Variants in VIT observed in about 807,000 individuals in gnomAD.
VIT encodes vitrin.
A neutral mutation model predicts 78.0 loss-of-function variants in VIT; 99 were observed. The observed-to-expected ratio is 1.27, with a 90% CI of 1.08 to 1.50. VIT has a LOEUF of 1.50. VIT is among the 40% of genes most tolerant of loss of function. The pLI, the probability that VIT is intolerant of heterozygous loss-of-function variation, is 0.00. For synonymous variants in VIT, 374 were observed against 334.3 expected (o/e 1.12, Z -1.29); for missense variants, 1,126 against 875.3 (o/e 1.29, Z -3.61).
At chr2:36,778,819 G>A (rs1270255397) in intron 9 of VIT, among the ~76,000 whole-genome samples, 1 of 152,196 alleles carries the variant, frequency 6.6e-6, no homozygotes, top group Non-Finnish European at 1.5e-5. Context: ...TGAAGGGAAG[G>A]GAAGCCTAGA....
chr2:36,739,052 T>C (rs1422596401), intron 3 of VIT, among the ~76,000 whole-genome samples: 1 of 152,202 alleles, frequency 6.6e-6, no homozygotes, highest in Non-Finnish European at 1.5e-5. Flanking sequence ...CTGAGGACTT[T>C]TTGCATAATT....
In VIT at chr2:36,703,928, TTGTTTTTG is replaced by T. The variant is rs1558499612; in HGVS notation, c.-19+6957_-19+6964del. 3.2e-3 allele frequency among the ~76,000 whole-genome samples: 25 copies of T among 7,828 alleles called. 1 individual carries two copies. The highest frequency in any genetic ancestry group is 7.5e-3 in the Non-Finnish European group (15 of 2,002). 5.1% of individuals were successfully genotyped at this position (7,828 alleles called of 152,430 possible). Reference sequence around the variant, plus strand: ...TTTGGGGTTTTTTTTTGTTTGTTTTTTGTTTTTGTTTTTTTTTTTTGGAGACTCACTCT... The same window carrying T: ...TTTGGGGTTTTTTTTTGTTTGTTTTTTTTTTTTTTTTTGGAGACTCACTCT... On this transcript the variant is annotated intron_variant, in intron 1 of 15. Transcript: ENST00000379242.
intron 9 of VIT, among the ~76,000 whole-genome samples, chr2:36,776,073 T>C (rs770176295): frequency 6.6e-6 from 1 of 152,236 alleles, no homozygotes; most frequent in Non-Finnish European, 1.5e-5. Flanking sequence ...GAATCACTTA[T>C]GGTGTGCCAG....
Position 36,729,469 on chromosome 2 carries a change from G to T in VIT, c.96G>T (p.Lys32Asn), listed in dbSNP as rs1667061551. Reference sequence around the variant, plus strand: ...TACATTCAAACAAAGAAACGGCAAAGAAGATTAAAAGGCCCAAGTTCAGTA... The same window carrying T: ...TACATTCAAACAAAGAAACGGCAAATAAGATTAAAAGGCCCAAGTTCAGTA... ...TGVHSNKETAKKIKRPKFTVP... is the reference protein window; with the variant it reads ...TGVHSNKETANKIKRPKFTVP... Residue 32 changes from lysine to asparagine, a missense_variant, in exon 3 of 16, where the codon AAG becomes AAT. Coordinates refer to ENST00000379242, the MANE Select transcript of VIT (RefSeq NM_053276.4). 1 of 1,609,296 alleles carries T rather than the reference G, an allele frequency of 6.2e-7. No individual in the cohort carries two copies. The highest frequency in any genetic ancestry group is 8.5e-7 in the Non-Finnish European group (1 of 1,178,034).
chr2:36,700,397 G>A (rs142676660), intron 1 of VIT, among the ~76,000 whole-genome samples: 317 of 152,116 alleles, frequency 2.1e-3, no homozygotes, highest in Non-Finnish European at 3.6e-3. Flanking sequence ...GATGATGGTG[G>A]CGGTGGTGGT....
intron 1 of VIT, among the ~76,000 whole-genome samples, chr2:36,700,857 G>A (rs7558849): frequency 0.039 from 6,000 of 152,074 alleles, 167 homozygotes; most frequent in Middle Eastern, 0.14. Flanking sequence ...AAACATATGA[G>A]GTGGGCTTTT....
At chr2:36,715,123 C>T (rs4670165) in intron 1 of VIT, among the ~76,000 whole-genome samples, 1 of 151,936 alleles carries the variant, frequency 6.6e-6, no homozygotes, top group Non-Finnish European at 1.5e-5. Flanking sequence ...ATTCCCATGG[C>T]TGCCATAGTC....
At chr2:36,762,468 C>T (rs1481720174) in intron 6 of VIT, among the ~76,000 whole-genome samples, 1 of 152,132 alleles carries the variant, frequency 6.6e-6, no homozygotes, top group Non-Finnish European at 1.5e-5. Flanking sequence ...GCTAAACTAC[C>T]AGCATTCCAA....
chr2:36,745,521 C>T (rs1445102637), intron 4 of VIT, among the ~76,000 whole-genome samples: 2 of 152,148 alleles, frequency 1.3e-5, no homozygotes, highest in African/African-American at 4.8e-5. Context: ...TTGTGGAGAT[C>T]TTTCACCTCC....
chr2:36,749,655 A>G (rs1274810540), intron 4 of VIT, among the ~76,000 whole-genome samples: 1 of 152,218 alleles, frequency 6.6e-6, no homozygotes, highest in Non-Finnish European at 1.5e-5. Context: ...TGGGGACTCA[A>G]ACCCAAGTCC....
At chr2:36,790,657 G>A (rs559090169) in intron 12 of VIT, among the ~76,000 whole-genome samples, 2 of 152,268 alleles carry the variant, frequency 1.3e-5, no homozygotes, top group African/African-American at 2.4e-5. Context: ...TGGGGCAGAG[G>A]ACAAATATTA....
intron 2 of VIT, among the ~76,000 whole-genome samples, chr2:36,727,441 A>G (rs1466305964): frequency 6.6e-5 from 10 of 152,242 alleles, no homozygotes; most frequent in South Asian, 2.1e-4. Context: ...AGGAAGGGCC[A>G]GGGTGCTCAT....
chr2:36,797,651 C>G (rs1666003618), intron 12 of VIT, among the ~76,000 whole-genome samples: 1 of 152,056 alleles, frequency 6.6e-6, no homozygotes, highest in African/African-American at 2.4e-5. Flanking sequence ...ATGTGAGGTT[C>G]AAGAAAGGGG....
At chr2:36,719,732 A>T (rs1666376877) in intron 2 of VIT, among the ~76,000 whole-genome samples, 1 of 152,208 alleles carries the variant, frequency 6.6e-6, no homozygotes, top group Non-Finnish European at 1.5e-5. Context: ...TGAGCCCAGG[A>T]GTTTGAGACC....
At chr2:36,723,125 C>A (rs970542079) in intron 2 of VIT, among the ~76,000 whole-genome samples, 3 of 152,120 alleles carry the variant, frequency 2.0e-5, no homozygotes, top group Admixed American at 6.5e-5. Flanking sequence ...TTAACCTTGT[C>A]AGAGTCATTC....
intron 12 of VIT, among the ~76,000 whole-genome samples, chr2:36,799,572 G>A (rs1171418966): frequency 2.0e-5 from 3 of 152,124 alleles, no homozygotes; most frequent in African/African-American, 7.2e-5. Flanking sequence ...GAAAAAATTT[G>A]CTGGGTGTGG....
chr2:36,761,567 C>T (rs1393876996), intron 6 of VIT, among the ~76,000 whole-genome samples: 1 of 151,984 alleles, frequency 6.6e-6, no homozygotes, highest in African/African-American at 2.4e-5. Flanking sequence ...GGTGAAACTC[C>T]GTCTCTACTA....
chr2:36,728,812 C>CAAAAA (rs768222712), intron 2 of VIT, among the ~76,000 whole-genome samples: 295 of 3,426 alleles, frequency 0.086, 84 homozygotes, highest in African/African-American at 0.14. Context: ...GACTCCGTCT[C>CAAAAA]AAAAAAAAAA....
intron 13 of VIT, among the ~76,000 whole-genome samples, chr2:36,805,074 G>T (rs1002673245): frequency 6.6e-6 from 1 of 152,088 alleles, no homozygotes; most frequent in Non-Finnish European, 1.5e-5. Flanking sequence ...AGGCTGAGGT[G>T]GGTGGATCAC....
Sources: gnomAD v4.1 joint callset for allele counts (sites outside exome capture counted in the v4.1 genomes callset) on GRCh38, gnomAD v4.1.1 for gene constraint, MANE v1.5 for transcripts, NCBI Gene and HGNC (gene_info 2026-07-23, HGNC 2026-07-21) for gene names.